Variants in CERS6 observed in about 807,000 individuals in gnomAD.
CERS6 encodes ceramide synthase 6, also known as LAG1 homolog, ceramide synthase 6.
CERS6 carries 26 observed loss-of-function variants against 56.8 expected under a neutral mutation model. The ratio of observed to expected loss-of-function variants is 0.46; its 90% CI spans 0.34 to 0.63. The LOEUF is 0.63. Ranked by LOEUF, CERS6 falls within the 30% of genes least tolerant of loss-of-function variation. CERS6 has a pLI of 0.01. For missense variants in CERS6, 415 were observed against 467.5 expected (o/e 0.89, Z 1.04); for synonymous variants, 164 against 173.3 (o/e 0.95, Z 0.42).
At chr2:168,660,181 G>C (rs1216626389) in intron 4 of CERS6, among the ~76,000 whole-genome samples, 2 of 152,162 alleles carry the variant, frequency 1.3e-5, no homozygotes, top group African/African-American at 4.8e-5. Context: ...TAGGGGCTCT[G>C]GGTTGAGCTC....
rs151041834 is a variant in CERS6, at chr2:168,572,049, G to T, written c.407+10727G>T. On this transcript the variant is annotated intron_variant, in intron 3 of 9. Transcript: ENST00000305747. ...ATACTGTGATTGAGGGGATGTTGCA[G>T]CATTAAACACTTGGTACACCATGAC... Among the ~76,000 whole-genome samples the T allele has an allele frequency of 3.7e-3, 562 of 152,250 alleles. 3 individuals carry two copies. The highest frequency in any genetic ancestry group is 0.017 in the Middle Eastern group (5 of 294).
At position 168,649,300 on chromosome 2, in the gene CERS6, T is replaced by G. The variant is rs577076064; in HGVS notation, c.465+18258T>G. On this transcript the variant is annotated intron_variant, in intron 4 of 9. Coordinates refer to ENST00000305747, the MANE Select transcript of CERS6 (RefSeq NM_203463.3). ...GTTATGTAACCTTAAGTGACAGAGC[T>G]GGCATCAGCCCCAGGTCGTGGGCTT... Among the ~76,000 whole-genome samples, 7 of 152,284 alleles carry G rather than the reference T, an allele frequency of 4.6e-5. No homozygotes were observed. The South Asian group carries it at 1.5e-3, about 32-fold the overall frequency.
chr2:168,471,181 C>T (rs1006494433), intron 1 of CERS6, among the ~76,000 whole-genome samples: 1 of 152,220 alleles, frequency 6.6e-6, no homozygotes, highest in African/African-American at 2.4e-5. Flanking sequence ...TTACCTTCCC[C>T]TCTTTGCCAG....
chr2:168,484,663 A>G (rs1694243406), intron 1 of CERS6, among the ~76,000 whole-genome samples: 1 of 152,118 alleles, frequency 6.6e-6, no homozygotes, highest in Admixed American at 6.5e-5. Flanking sequence ...GGGAGAATTT[A>G]TGCTCACTTG....
At position 168,468,799 on chromosome 2, in the gene CERS6, C is replaced by T. The variant is rs140515610; in HGVS notation, c.170+12181C>T. On this transcript the variant is annotated intron_variant, in intron 1 of 9. Transcript: ENST00000305747. ...CTTTTCCCTTCTCTCTCTTTTTTTC[C>T]TCTGAGGAAGATGTTGATTCTTCTT... 1.3e-4 allele frequency among the ~76,000 whole-genome samples: 20 copies of T among 151,920 alleles called. 1 individual carries two copies. In the East Asian group the frequency reaches 3.9e-3, roughly 29 times the overall value.
At chr2:168,525,769 A>G (rs1288621656) in intron 1 of CERS6, among the ~76,000 whole-genome samples, 2 of 152,210 alleles carry the variant, frequency 1.3e-5, no homozygotes, top group African/African-American at 4.8e-5. Context: ...TCACACCATC[A>G]TTACTAGCAT....
chr2:168,550,112 A>G (rs1002708129), intron 2 of CERS6, among the ~76,000 whole-genome samples: 19 of 152,226 alleles, frequency 1.2e-4, no homozygotes, highest in Non-Finnish European at 2.6e-4. Flanking sequence ...CATTAAGCAT[A>G]CAAAAACATA....
chr2:168,521,450 G>T (rs1379127962), intron 1 of CERS6, among the ~76,000 whole-genome samples: 1 of 152,194 alleles, frequency 6.6e-6, no homozygotes. Flanking sequence ...ATGAGATAAA[G>T]GGTGTGTCCC....
At chr2:168,558,237 C>T (rs1212886501) in intron 2 of CERS6, among the ~76,000 whole-genome samples, 2 of 152,118 alleles carry the variant, frequency 1.3e-5, no homozygotes, top group Non-Finnish European at 2.9e-5. Flanking sequence ...GCATAGACCC[C>T]TTCGATCTAC....
intron 4 of CERS6, among the ~76,000 whole-genome samples, chr2:168,672,877 G>C (rs188048553): frequency 2.8e-4 from 42 of 152,308 alleles, no homozygotes; most frequent in Non-Finnish European, 5.6e-4. Flanking sequence ...AAACAAGCTT[G>C]ATTAAAATCA....
intron 4 of CERS6, among the ~76,000 whole-genome samples, chr2:168,666,999 TTTG>T (rs1685778489): frequency 6.6e-6 from 1 of 152,260 alleles, no homozygotes; most frequent in Non-Finnish European, 1.5e-5. Context: ...TTTGATAATC[TTTG>T]TTAATTCTCA....
At chr2:168,693,605 G>A (rs1686561701) in intron 5 of CERS6, among the ~76,000 whole-genome samples, 1 of 152,082 alleles carries the variant, frequency 6.6e-6, no homozygotes, top group Admixed American at 6.5e-5. Context: ...AGTTCAGTAG[G>A]AAGTGTATTC....
chr2:168,561,355 A>T, intron 3 of CERS6, 33 bp downstream of exon 3: 1 of 1,613,278 alleles, frequency 6.2e-7, no homozygotes, highest in Non-Finnish European at 8.5e-7. Flanking sequence ...GAAAGAAAAG[A>T]CCTAAGTACT....
chr2:168,538,847 C>T (rs1695315113), intron 1 of CERS6, among the ~76,000 whole-genome samples: 3 of 152,144 alleles, frequency 2.0e-5, no homozygotes, highest in South Asian at 4.1e-4. Context: ...GACAGATTGT[C>T]TTAGATAAAT....
At chr2:168,589,942 C>T (rs916289742) in intron 3 of CERS6, among the ~76,000 whole-genome samples, 12 of 152,116 alleles carry the variant, frequency 7.9e-5, no homozygotes, top group Admixed American at 1.3e-4. Context: ...GTTTGAGCCT[C>T]GACTGAAAAG....
chr2:168,568,104 G>A (rs1173685461), intron 3 of CERS6, among the ~76,000 whole-genome samples: 1 of 152,124 alleles, frequency 6.6e-6, no homozygotes, highest in Non-Finnish European at 1.5e-5. Context: ...GGCTAATTAA[G>A]GAAAAGAGAT....
chr2:168,508,949 T>G lies in CERS6; in HGVS notation c.171-38647T>G, dbSNP rs145892479. Among the ~76,000 whole-genome samples the G allele has an allele frequency of 9.8e-5, 15 of 152,330 alleles. No homozygotes were observed. The East Asian group carries it at 2.9e-3, about 29-fold the overall frequency. On this transcript the variant is annotated intron_variant, in intron 1 of 9. Coordinates refer to ENST00000305747, the MANE Select transcript of CERS6 (RefSeq NM_203463.3). ...TAGATTTGGGGGCCAATTTGTCCTTTAGGTGACTTTTTATGTCTCTTATCT... is the reference window on the plus strand; with the variant it reads ...TAGATTTGGGGGCCAATTTGTCCTTGAGGTGACTTTTTATGTCTCTTATCT...
At chr2:168,655,178 G>A (rs376763413) in intron 4 of CERS6, among the ~76,000 whole-genome samples, 5 of 152,176 alleles carry the variant, frequency 3.3e-5, no homozygotes, top group South Asian at 2.1e-4. Context: ...TAAAACCACC[G>A]TGAGATACCA....
chr2:168,533,422 T>G (rs561431926), intron 1 of CERS6, among the ~76,000 whole-genome samples: 1 of 152,364 alleles, frequency 6.6e-6, no homozygotes, highest in Non-Finnish European at 1.5e-5. Flanking sequence ...TTTTCCTATT[T>G]GAATACCTTT....
Sources: allele counts gnomAD v4.1 joint callset (sites outside exome capture counted in the v4.1 genomes callset), GRCh38; gene constraint gnomAD v4.1.1; transcripts MANE v1.5; gene names NCBI Gene and HGNC (gene_info 2026-07-23, HGNC 2026-07-21).